The following CNTFR variants were observed in gnomAD, a reference collection of about 807,000 sequenced individuals.
CNTFR encodes the protein ciliary neurotrophic factor receptor subunit alpha.
CNTFR carries 12 observed loss-of-function variants against 40.4 expected under a neutral mutation model. The observed-to-expected ratio is 0.30, with a 90% CI of 0.19 to 0.48. The LOEUF is 0.48. Ranked by LOEUF, CNTFR falls within the 20% of genes least tolerant of loss-of-function variation. CNTFR has a pLI of 0.99. For synonymous variants in CNTFR, 202 were observed against 209.6 expected, an observed-to-expected ratio of 0.96 and a Z score of 0.31; for missense variants, 414 against 506.8, an observed-to-expected ratio of 0.82 and a Z score of 1.76.
chr9:34,558,081 C>T lies in CNTFR; in HGVS notation c.320-97G>A, dbSNP rs531001441. Reference sequence around the variant, plus strand: ...GGCCCCAGAGCCCCAGCTCTCCCCCCTCAACCCATCATTGATGCCAAAGTT... The same window carrying T: ...GGCCCCAGAGCCCCAGCTCTCCCCCTTCAACCCATCATTGATGCCAAAGTT... On this transcript the variant is annotated intron_variant, in intron 4 of 9. Coordinates refer to ENST00000378980, the MANE Select transcript of CNTFR (RefSeq NM_147164.3). The T allele has an allele frequency of 7.1e-6, 6 of 844,900 alleles. No individual in the cohort carries two copies. The East Asian group carries it at 1.4e-4, about 19-fold the overall frequency. 52.3% of individuals were successfully genotyped at this position (844,900 alleles called of 1,614,324 possible).
chr9:34,586,469 C>T lies in CNTFR; in HGVS notation c.-112+3086G>A, dbSNP rs115238479. Among the ~76,000 whole-genome samples the T allele has an allele frequency of 4.3e-3, 649 of 152,254 alleles. 4 individuals are homozygous for T. The highest frequency in any genetic ancestry group is 0.015 in the African/African-American group (609 of 41,542). On this transcript the variant is annotated intron_variant, in intron 1 of 9. Transcript: ENST00000378980. Reference sequence around the variant, plus strand: ...CAACACCCTGGAGCAGTCGCAGGAGCCAAGGTCTGCTCCCTCCAATCTTCA... The same window carrying T: ...CAACACCCTGGAGCAGTCGCAGGAGTCAAGGTCTGCTCCCTCCAATCTTCA...
chr9:34,552,052 T>A lies in CNTFR; in HGVS notation c.*19A>T, dbSNP rs1313952479. 2.2e-6 allele frequency: 3 copies of A among 1,391,262 alleles called. No individual in the cohort carries two copies. The highest frequency in any genetic ancestry group is 4.6e-5 in the East Asian group (2 of 43,418). 86.2% of individuals were successfully genotyped at this position (1,391,262 alleles called of 1,614,324 possible). A position where few individuals can be genotyped will look rare whatever the true frequency, so the allele number is the denominator to read the frequency against. ...TGCTCCTCTGCAGGTGCTCTGCATG[T>A]CCTCATGGGGTGCCGGGCTCTGTAG... On this transcript the variant is annotated 3_prime_UTR_variant, in exon 10 of 10. Transcript: ENST00000378980. The surrounding 1 kb of genome is among the most constrained non-coding windows in gnomAD (Gnocchi z 5.1).
intron 4 of CNTFR, 130 bp downstream of exon 4, chr9:34,564,469 A>T: frequency 2.3e-6 from 2 of 882,782 alleles, no homozygotes; most frequent in Non-Finnish European, 3.6e-6. Flanking sequence ...GGACAAAATC[A>T]GAGGGCAAGG....
intron 7 of CNTFR, among the ~76,000 whole-genome samples, chr9:34,554,002 G>A (rs2381163): frequency 0.11 from 17,378 of 152,114 alleles, 1,223 homozygotes; most frequent in Middle Eastern, 0.18. Flanking sequence ...GGGCATGTGC[G>A]GTGGGTCCAA....
intron 6 of CNTFR, 135 bp from the exon 7 acceptor site, chr9:34,556,553 G>T: frequency 1.2e-6 from 1 of 819,188 alleles, no homozygotes; most frequent in Non-Finnish European, 1.9e-6. Flanking sequence ...CCTCTTCTCT[G>T]TTGTCAATTC....
intron 4 of CNTFR, among the ~76,000 whole-genome samples, chr9:34,561,773 A>G (rs1278762446): frequency 2.0e-5 from 3 of 152,266 alleles, no homozygotes; most frequent in Admixed American, 6.5e-5. Flanking sequence ...AGTGTTGCCA[A>G]AGCCAGTCTC....
chr9:34,567,279 G>A (rs140057462), intron 3 of CNTFR, among the ~76,000 whole-genome samples: 2 of 152,266 alleles, frequency 1.3e-5, no homozygotes, highest in East Asian at 3.9e-4. Flanking sequence ...GACGGGATGA[G>A]GTCATGGACA....
chr9:34,564,879 G>A (rs771879622), intron 3 of CNTFR, 47 bp from the exon 4 acceptor site: 13 of 1,551,302 alleles, frequency 8.4e-6, no homozygotes, highest in Non-Finnish European at 9.7e-6. Flanking sequence ...TCACAGCCCG[G>A]CCCAGCACCC....
Position 34,564,866 on chromosome 9 carries a change from A to G in CNTFR, c.86-34T>C, listed in dbSNP as rs372983092. 205 of 1,593,024 alleles carry G rather than the reference A, an allele frequency of 1.3e-4. No homozygotes were observed. The South Asian group carries it at 2.1e-3, about 16-fold the overall frequency. On this transcript the variant is annotated intron_variant, in intron 3 of 9. Coordinates refer to ENST00000378980, the MANE Select transcript of CNTFR (RefSeq NM_147164.3). Reference sequence around the variant, plus strand: ...GGTGGGGGCACAGGGCAAAAGTCACAGGTCACAGCCCGGCCCAGCACCCGC... The same window carrying G: ...GGTGGGGGCACAGGGCAAAAGTCACGGGTCACAGCCCGGCCCAGCACCCGC...
Position 34,576,257 on chromosome 9 carries a change from G to A in CNTFR, c.-1+4838C>T, listed in dbSNP as rs534598231. The stretch of plus-strand genomic sequence containing the variant: ...CACCCACTCCCACAGCCCCGTACAC[G>A]CTGGTGTGCGTGCACACATTACAGT... On this transcript the variant is annotated intron_variant, in intron 2 of 9. Coordinates refer to ENST00000378980, the MANE Select transcript of CNTFR (RefSeq NM_147164.3). Among the ~76,000 whole-genome samples, 13 of 152,274 alleles carry A rather than the reference G, an allele frequency of 8.5e-5. No homozygotes were observed. The East Asian group carries it at 1.5e-3, about 18-fold the overall frequency.
rs374204789 is a variant in CNTFR, at chr9:34,557,652, G to C, written c.478C>G (p.Leu160Val). 3 of 1,614,070 alleles carry C rather than the reference G, an allele frequency of 1.9e-6. No homozygotes were observed. In the African/African-American group the frequency reaches 4.0e-5, roughly 22 times the overall value. The stretch of plus-strand genomic sequence containing the variant: ...TAGCGAATGTGGCAGCGGTTCTTGA[G>C]GGCTGGGTCCTTCTCACAGACCATA... ...KIMVCEKDPA[L>V]KNRCHIRYMH... Residue 160 changes from leucine (L) to valine (V), a missense_variant, in exon 6 of 10, where the codon CTC becomes GTC. Physicochemically the swap from Leu to Val is conservative, Grantham distance 32. Transcript: ENST00000378980. This position sits in a 1 kb window ranked among gnomAD's most constrained non-coding sequence, Gnocchi z 4.2.
chr9:34,580,412 G>A (rs1030422265), intron 2 of CNTFR, among the ~76,000 whole-genome samples: 1 of 152,026 alleles, frequency 6.6e-6, no homozygotes, highest in Admixed American at 6.5e-5. Flanking sequence ...TCAGCCTGGG[G>A]TACCCCACTC....
chr9:34,555,852 C>T (rs1218524562), intron 7 of CNTFR, among the ~76,000 whole-genome samples: 2 of 151,372 alleles, frequency 1.3e-5, no homozygotes, highest in African/African-American at 4.9e-5. Flanking sequence ...GGGCTGAGAG[C>T]GAGGTAAGGA....
intron 4 of CNTFR, 48 bp downstream of exon 4, chr9:34,564,551 G>A (rs1470726315): frequency 6.6e-7 from 1 of 1,510,764 alleles, no homozygotes; most frequent in South Asian, 1.2e-5. Flanking sequence ...AGGAGTCTGG[G>A]TCTCAAGGAA....
At chr9:34,560,724 G>A (rs561645063) in intron 4 of CNTFR, among the ~76,000 whole-genome samples, 11 of 152,366 alleles carry the variant, frequency 7.2e-5, no homozygotes, top group African/African-American at 2.6e-4. Flanking sequence ...ACGGCATCTG[G>A]GTTGCCCCTT....
intron 4 of CNTFR, among the ~76,000 whole-genome samples, chr9:34,560,975 C>T (rs969676668): frequency 6.6e-5 from 10 of 152,200 alleles, no homozygotes; most frequent in Non-Finnish European, 8.8e-5. Flanking sequence ...TGCCCGCCGG[C>T]CCAGACAGGA....
chr9:34,566,508 G>C (rs966067782), intron 3 of CNTFR, among the ~76,000 whole-genome samples: 1 of 151,974 alleles, frequency 6.6e-6, no homozygotes, highest in Non-Finnish European at 1.5e-5. Context: ...GCCACTGAGC[G>C]CCCCCAACAG....
At chr9:34,584,016 A>G (rs7023421) in intron 1 of CNTFR, among the ~76,000 whole-genome samples, 15,044 of 152,188 alleles carry the variant, frequency 0.099, 1,106 homozygotes, top group African/African-American at 0.2. Flanking sequence ...TAAGCCCCTC[A>G]TTGGGACTCT....
rs536863342 is a variant in CNTFR, at chr9:34,557,100, G to A, written c.604+426C>T. Among the ~76,000 whole-genome samples, 5 of 109,194 alleles carry A rather than the reference G, an allele frequency of 4.6e-5. No homozygotes were observed. In the South Asian group the frequency reaches 1.3e-3, roughly 29 times the overall value. 71.6% of individuals were successfully genotyped at this position (109,194 alleles called of 152,430 possible). ...GGCAGGTAGAGGGTCTGGCTGGGATGGGGGGGGTCAGGGGGAGGGCAGTAT... is the reference window on the plus strand; with the variant it reads ...GGCAGGTAGAGGGTCTGGCTGGGATAGGGGGGGTCAGGGGGAGGGCAGTAT... On this transcript the variant is annotated intron_variant, in intron 6 of 9. Coordinates refer to ENST00000378980, the MANE Select transcript of CNTFR (RefSeq NM_147164.3). The surrounding 1 kb of genome is among the most constrained non-coding windows in gnomAD (Gnocchi z 4.2).
Sources: gnomAD v4.1 joint callset for allele counts (sites outside exome capture counted in the v4.1 genomes callset) on GRCh38, gnomAD v4.1.1 for gene constraint, Gnocchi (gnomAD v3.1) non-coding constraint, MANE v1.5 for transcripts, NCBI Gene and HGNC (gene_info 2026-07-23, HGNC 2026-07-21) for gene names.